The following FBXL13 variants were observed in gnomAD, a reference collection of about 807,000 sequenced individuals.
FBXL13 encodes F-box and leucine rich repeat protein 13, also known as F-box and leucine-rich repeat protein 13.
Under a neutral mutation model 83.6 loss-of-function variants are expected in FBXL13, and 67 were observed. The observed-to-expected ratio is 0.80, with a 90% CI of 0.66 to 0.98. The LOEUF (loss-of-function observed/expected upper bound fraction) is 0.98. Ranked by LOEUF, FBXL13 falls within the 50% of genes least tolerant of loss-of-function variation. The pLI is 0.00. For synonymous variants in FBXL13, 272 were observed against 299.5 expected (o/e 0.91, Z 0.95); for missense variants, 822 against 866.5 (o/e 0.95, Z 0.64).
intron 1 of FBXL13, among the ~76,000 whole-genome samples, chr7:103,066,493 A>G (rs1358788989): frequency 6.6e-6 from 1 of 151,290 alleles, no homozygotes. Flanking sequence ...CCGGGTTCAC[A>G]CCATTCTCCT....
At chr7:102,859,665 G>A (rs117760056) in intron 16 of FBXL13, among the ~76,000 whole-genome samples, 37 of 152,144 alleles carry the variant, frequency 2.4e-4, no homozygotes, top group East Asian at 1.5e-3. Context: ...AGAGTGACTC[G>A]GTCTCAGTGG....
At chr7:103,051,734 G>A (rs1419804327) in intron 2 of FBXL13, among the ~76,000 whole-genome samples, 1 of 152,168 alleles carries the variant, frequency 6.6e-6, no homozygotes, top group Non-Finnish European at 1.5e-5. Flanking sequence ...GCCACCTGGT[G>A]GAAGATTTAT....
rs1309581723 is a variant in FBXL13 at position 102,834,082 on chromosome 7, AAAGAAAAG to A, written c.1720-1116_1720-1109del. On this transcript the variant is annotated intron_variant, in intron 17 of 19. Coordinates refer to ENST00000313221, the Ensembl canonical transcript of FBXL13. ...GAAGGAAGGAAGGAAGGAAGGAAGG[AAAGAAAAG>A]AAAGAAAGAAAGAAAGAAAGAAAGA... 8.1e-3 allele frequency among the ~76,000 whole-genome samples: 647 copies of A among 80,156 alleles called. 2 individuals are homozygous for A. Among genetic ancestry groups the A allele is most frequent in the Middle Eastern group, 0.016 (3 of 182 alleles). 52.6% of individuals were successfully genotyped at this position (80,156 alleles called of 152,430 possible).
chr7:102,973,347 AGAAGACACCTACCCTGGCCG>A (rs1826976717), intron 6 of FBXL13: 1 of 643,730 alleles, frequency 1.6e-6, no homozygotes, highest in South Asian at 1.5e-5. Context: ...AGAGCCGGCC[AGAAGACACCTACCCTGGCCG>A]GAAGACACGT....
At chr7:102,921,724 T>A (rs1036337564) in intron 10 of FBXL13, among the ~76,000 whole-genome samples, 19 of 152,184 alleles carry the variant, frequency 1.2e-4, no homozygotes, top group Admixed American at 1.2e-3. Flanking sequence ...GTTTTAAGCA[T>A]CCACGGATGA....
intron 2 of FBXL13, among the ~76,000 whole-genome samples, chr7:103,044,271 C>T (rs983861775): frequency 2.6e-5 from 4 of 152,150 alleles, no homozygotes; most frequent in African/African-American, 4.8e-5. Context: ...GAATTCTTGT[C>T]CATTACAAGA....
At chr7:102,877,118 A>G (rs1205504681) in intron 16 of FBXL13, among the ~76,000 whole-genome samples, 1 of 152,202 alleles carries the variant, frequency 6.6e-6, no homozygotes, top group Non-Finnish European at 1.5e-5. Context: ...GGGTAGTCTC[A>G]TAAAATGTGC....
At chr7:102,890,310 C>T (rs1340640300) in intron 11 of FBXL13, among the ~76,000 whole-genome samples, 1 of 152,218 alleles carries the variant, frequency 6.6e-6, no homozygotes, top group Non-Finnish European at 1.5e-5. Context: ...AGGATTTTTA[C>T]ACCTGAGATC....
intron 11 of FBXL13, among the ~76,000 whole-genome samples, chr7:102,891,121 C>T (rs755375573): frequency 3.3e-5 from 5 of 152,144 alleles, no homozygotes; most frequent in Non-Finnish European, 5.9e-5. Flanking sequence ...GACTGTGCTA[C>T]GAGGGTTTGA....
At chr7:103,011,340 T>C (rs1388942887) in intron 6 of FBXL13, among the ~76,000 whole-genome samples, 3 of 152,072 alleles carry the variant, frequency 2.0e-5, no homozygotes, top group African/African-American at 7.2e-5. Context: ...ATGGCCATTA[T>C]AAGAAAGAAA....
intron 2 of FBXL13, among the ~76,000 whole-genome samples, chr7:103,044,496 TCTC>T (rs1211054364): frequency 2.0e-5 from 3 of 152,076 alleles, no homozygotes; most frequent in Non-Finnish European, 4.4e-5. Flanking sequence ...AAAAATATAA[TCTC>T]CTATTAGAGA....
At position 103,043,371 on chromosome 7, in the gene FBXL13, C is replaced by T. The variant is rs193162931; in HGVS notation, c.-1+12273G>A. The stretch of plus-strand genomic sequence containing the variant: ...AACAGGAATGCTTTTACACTGTTGG[C>T]GGGAGTGTAAATTAGTTCAACTGTT... On this transcript the variant is annotated intron_variant, in intron 2 of 19. Transcript: ENST00000313221. 2.3e-4 allele frequency among the ~76,000 whole-genome samples: 35 copies of T among 152,114 alleles called. No individual in the cohort carries two copies. In the East Asian group the frequency reaches 5.6e-3, roughly 24 times the overall value.
chr7:102,965,888 C>A (rs752532159), intron 7 of FBXL13, among the ~76,000 whole-genome samples: 4 of 152,156 alleles, frequency 2.6e-5, no homozygotes, highest in African/African-American at 4.8e-5. Context: ...ACTTCACGAC[C>A]CCTCCTTATT....
upstream of FBXL13, chr7:103,074,783 G>A (rs778197095): frequency 2.3e-6 from 3 of 1,288,558 alleles, no homozygotes; most frequent in Non-Finnish European, 2.0e-6. Context: ...CCCAAGGCCT[G>A]ACGGAGAAGC....
At chr7:102,875,035 G>A (rs1022562116) in intron 16 of FBXL13, among the ~76,000 whole-genome samples, 2 of 152,198 alleles carry the variant, frequency 1.3e-5, no homozygotes, top group Non-Finnish European at 2.9e-5. Flanking sequence ...TGTGGTAAGT[G>A]CTGTGGGGGA....
At chr7:102,941,043 G>GT (rs564485445) in intron 8 of FBXL13, among the ~76,000 whole-genome samples, 49 of 152,020 alleles carry the variant, frequency 3.2e-4, no homozygotes, top group Admixed American at 3.0e-3. Flanking sequence ...GAGCCACAAG[G>GT]GCATATTTTA....
At chr7:102,813,208 T>C, downstream of FBXL13, 1 of 784,544 alleles carries the variant, frequency 1.3e-6, no homozygotes, top group Admixed American at 3.0e-5. Context: ...TATTTGTAGT[T>C]GGAATAAGAA....
At chr7:102,905,135 T>C (rs1813563719) in intron 11 of FBXL13, among the ~76,000 whole-genome samples, 2 of 152,208 alleles carry the variant, frequency 1.3e-5, no homozygotes, top group South Asian at 2.1e-4. Flanking sequence ...CCATTTTGTC[T>C]ATAGTGCAGA....
rs1164328969 is a variant in FBXL13, at chr7:103,065,363, T to G, written c.-105+8883A>C. ...ATTATAATTTAAGGTAAAATTTATA[T>G]TATTTCAAATGCATAAATCTTATTA... On this transcript the variant is annotated intron_variant, in intron 1 of 19. Transcript: ENST00000313221. Among the ~76,000 whole-genome samples, 4 of 152,236 alleles carry G rather than the reference T, an allele frequency of 2.6e-5. No homozygotes were observed. The South Asian group carries it at 8.3e-4, about 32-fold the overall frequency.
Sources: allele counts gnomAD v4.1 joint callset (sites outside exome capture counted in the v4.1 genomes callset), GRCh38; gene constraint gnomAD v4.1.1; transcripts MANE v1.5; gene names NCBI Gene and HGNC (gene_info 2026-07-23, HGNC 2026-07-21).